SUPV3L1: variants seen among roughly 807,000 people sequenced by gnomAD.
SUPV3L1 encodes Suv3 like RNA helicase.
Under a neutral mutation model 70.0 loss-of-function variants are expected in SUPV3L1, and 35 were observed. The observed-to-expected ratio is 0.50, with a 90% CI of 0.38 to 0.66. SUPV3L1 has a LOEUF of 0.66. Ranked by LOEUF, SUPV3L1 falls within the 30% of genes least tolerant of loss-of-function variation. The pLI is 0.00. For synonymous variants in SUPV3L1, 364 were observed against 341.9 expected (o/e 1.06, Z -0.71); for missense variants, 777 against 961.5 (o/e 0.81, Z 2.54).
chr10:69,199,402 G>A (rs1272944007), intron 10 of SUPV3L1, among the ~76,000 whole-genome samples: 1 of 152,144 alleles, frequency 6.6e-6, no homozygotes, highest in Non-Finnish European at 1.5e-5. Context: ...TTTTCTTAGG[G>A]ACAGGGTCTT....
In SUPV3L1 at chr10:69,186,546, T is replaced by G. The variant is rs1313623464; in HGVS notation, c.453T>G (p.Gly151=). The G allele has an allele frequency of 2.5e-6, 4 of 1,611,378 alleles. No homozygotes were observed. The highest frequency in any genetic ancestry group is 3.4e-6 in the Non-Finnish European group (4 of 1,177,794). ...TTGTTTTGAATGATATTTGCTTCGG[T>G]GCAGGCAAGTGTTTAGAGACTTTTT... ...IHIVLNDICF[G]AAHADDLFPF... Residue 151 remains glycine, a synonymous_variant, in exon 3 of 15, where the codon GGT becomes GGG. Coordinates refer to ENST00000359655, the MANE Select transcript of SUPV3L1 (RefSeq NM_003171.5).
chr10:69,202,519 T>G lies in SUPV3L1; in HGVS notation c.1599T>G (p.Ile533Met), dbSNP rs1344090024. ...CTGATGCAACACTGTCCAATCTCATTGTAAGTGGAAACTCCCTTTCACATC... is the reference window on the plus strand; with the variant it reads ...CTGATGCAACACTGTCCAATCTCATGGTAAGTGGAAACTCCCTTTCACATC... ...HLPDATLSNLIDIFVDFSQVD... is the reference protein window; with the variant it reads ...HLPDATLSNLMDIFVDFSQVD... Residue 533 changes from isoleucine (I) to methionine (M), a missense_variant and splice_region_variant, in exon 12 of 15, where the codon ATT becomes ATG. Ile to Met is a conservative substitution (Grantham distance 10). Transcript: ENST00000359655. 6.2e-7 allele frequency: 1 copy of G among 1,610,778 alleles called. No individual in the cohort carries two copies. The highest frequency in any genetic ancestry group is 1.7e-5 in the Admixed American group (1 of 59,866).
chr10:69,198,985 A>G, intron 9 of SUPV3L1, 119 bp from the exon 10 acceptor site: 2 of 725,284 alleles, frequency 2.8e-6, no homozygotes, highest in South Asian at 1.9e-5. Flanking sequence ...AGTTTGAAAC[A>G]GTAAAGGTTT....
At chr10:69,198,986 G>T (rs1237394645) in intron 9 of SUPV3L1, 118 bp from the exon 10 acceptor site, 1 of 732,848 alleles carries the variant, frequency 1.4e-6, no homozygotes. Flanking sequence ...GTTTGAAACA[G>T]TAAAGGTTTT....
At chr10:69,201,762 C>T (rs1182496142) in intron 11 of SUPV3L1, among the ~76,000 whole-genome samples, 1 of 151,918 alleles carries the variant, frequency 6.6e-6, no homozygotes, top group Non-Finnish European at 1.5e-5. Flanking sequence ...TGATCTTGAA[C>T]TACTGTCCTC....
At position 69,208,833 on chromosome 10, in the gene SUPV3L1, C is replaced by G. The variant is rs750334867; in HGVS notation, c.2159C>G (p.Ala720Gly). 3.7e-6 allele frequency: 6 copies of G among 1,614,134 alleles called. No individual in the cohort carries two copies. The South Asian group carries it at 5.5e-5, about 15-fold the overall frequency. ...GGCACCAAAGCTCTAGGGAGTAAAG[C>G]TACTGAGCCACCCAGCCCCGATGCA... Reference protein sequence around the residue: ...TRGTKALGSKATEPPSPDAGE... With the variant: ...TRGTKALGSKGTEPPSPDAGE... Residue 720 changes from alanine (A) to glycine (G), a missense_variant, in exon 15 of 15, where the codon GCT becomes GGT. Transcript: ENST00000359655.
intron 11 of SUPV3L1, among the ~76,000 whole-genome samples, chr10:69,202,169 C>T (rs1313496366): frequency 6.6e-6 from 1 of 152,142 alleles, no homozygotes; most frequent in Non-Finnish European, 1.5e-5. Context: ...ACTGCCAGAT[C>T]ATCATAGGTT....
At chr10:69,182,972 A>G (rs1331792342) in intron 1 of SUPV3L1, among the ~76,000 whole-genome samples, 1 of 152,082 alleles carries the variant, frequency 6.6e-6, no homozygotes, top group Non-Finnish European at 1.5e-5. Context: ...TATTCCTCTC[A>G]GATCTTTGTC....
At chr10:69,196,428 T>C (rs1454151717) in intron 7 of SUPV3L1, among the ~76,000 whole-genome samples, 5 of 151,852 alleles carry the variant, frequency 3.3e-5, no homozygotes, top group Non-Finnish European at 5.9e-5. Flanking sequence ...AAAGGAGATA[T>C]TGCAGTGAAC....
chr10:69,191,630 T>A, intron 5 of SUPV3L1, 25 bp from the exon 6 acceptor site: 1 of 1,591,204 alleles, frequency 6.3e-7, no homozygotes, highest in Non-Finnish European at 8.6e-7. Flanking sequence ...TTTCAATAAT[T>A]CTAGTTTTTT....
chr10:69,199,283 G>T lies in SUPV3L1; in HGVS notation c.1298+86G>T. The T allele has an allele frequency of 3.1e-6, 3 of 956,150 alleles. No individual in the cohort carries two copies. The South Asian group carries it at 4.8e-5, about 15-fold the overall frequency. 59.2% of individuals were successfully genotyped at this position (956,150 alleles called of 1,614,324 possible). On this transcript the variant is annotated intron_variant, in intron 10 of 14. Transcript: ENST00000359655. ...TTTCAGTTTTCTAATTGGCATTAAT[G>T]ACCAAACGCTATGATTTGGGAGAAT...
intron 5 of SUPV3L1, among the ~76,000 whole-genome samples, chr10:69,190,737 CAT>C (rs1842368963): frequency 6.6e-6 from 1 of 152,226 alleles, no homozygotes; most frequent in South Asian, 2.1e-4. Context: ...CTTTGTCTTT[CAT>C]AACCTGTACA....
At chr10:69,181,499 A>G (rs1031533194) in intron 1 of SUPV3L1, among the ~76,000 whole-genome samples, 2 of 152,228 alleles carry the variant, frequency 1.3e-5, no homozygotes, top group Non-Finnish European at 2.9e-5. Context: ...TCTTTGACAT[A>G]TTCTTCCAGT....
chr10:69,203,005 A>G lies in SUPV3L1; in HGVS notation c.1738A>G (p.Asn580Asp), dbSNP rs1445731231. 1 of 1,613,814 alleles carries G rather than the reference A, an allele frequency of 6.2e-7. No homozygotes were observed. Among genetic ancestry groups the G allele is most frequent in the Admixed American group, 1.7e-5 (1 of 59,984 alleles). Residue 580 changes from asparagine (N) to aspartate (D), a missense_variant, in exon 13 of 15, where the codon AAC (asparagine) becomes GAC (aspartate). By Grantham distance (23) the Asn-to-Asp change is conservative (BLOSUM62 1). Coordinates refer to ENST00000359655, the MANE Select transcript of SUPV3L1 (RefSeq NM_003171.5). ...GTATGTTTTCTGCACAGCTCCTATCAACAAGAAGCAGCCTTTTGTGTGTTC... is the reference window on the plus strand; with the variant it reads ...GTATGTTTTCTGCACAGCTCCTATCGACAAGAAGCAGCCTTTTGTGTGTTC... ...VRYVFCTAPINKKQPFVCSSL... is the reference protein window; with the variant it reads ...VRYVFCTAPIDKKQPFVCSSL...
chr10:69,199,912 A>C (rs1172526582), intron 10 of SUPV3L1, among the ~76,000 whole-genome samples: 8 of 152,072 alleles, frequency 5.3e-5, no homozygotes, highest in Admixed American at 5.2e-4. Context: ...TGGTGTGATC[A>C]TGGCTCACCG....
At chr10:69,202,067 C>T (rs1470783316) in intron 11 of SUPV3L1, among the ~76,000 whole-genome samples, 1 of 147,426 alleles carries the variant, frequency 6.8e-6, no homozygotes, top group African/African-American at 2.5e-5. Context: ...TCTCAATCTC[C>T]TGACCTCGTG....
Position 69,180,513 on chromosome 10 carries a change from C to T in SUPV3L1, c.222C>T (p.Pro74=), listed in dbSNP as rs1403483433. 6.2e-7 allele frequency: 1 copy of T among 1,614,234 alleles called. No individual in the cohort carries two copies. Among genetic ancestry groups the T allele is most frequent in the South Asian group, 1.1e-5 (1 of 91,086 alleles). ...CCCTGACTGTGAAACCTCAGGGCCC[C>T]AGCGCCGACGGCGACGTCGGGGCCG... ...FVPLTVKPQG[P]SADGDVGAEL... is the part of the protein sequence containing the mutation. The change falls in exon 1 of 15, where the codon CCC becomes CCT. Residue 74 remains proline, a synonymous_variant. Coordinates refer to ENST00000359655, the MANE Select transcript of SUPV3L1 (RefSeq NM_003171.5).
rs751236197 is a variant in SUPV3L1 at position 69,195,264 on chromosome 10, A to G, written c.930A>G (p.Leu310=). Residue 310 remains leucine, a splice_region_variant and synonymous_variant, in exon 7 of 15, where the codon CTA becomes CTG. Transcript: ENST00000359655. ...GATGGGCCTGGACCAGAGCACTTCT[A>G]GGTTGGTGGTCGTAATGCTATAAAA... ...ARGWAWTRAL[L]GLCAEEVHLC... 1 of 1,601,772 alleles carries G rather than the reference A, an allele frequency of 6.2e-7. No individual in the cohort carries two copies. The highest frequency in any genetic ancestry group is 8.5e-7 in the Non-Finnish European group (1 of 1,174,522).
intron 6 of SUPV3L1, among the ~76,000 whole-genome samples, chr10:69,194,299 G>A (rs1377706063): frequency 1.3e-5 from 2 of 152,006 alleles, no homozygotes; most frequent in African/African-American, 4.8e-5. Flanking sequence ...TTGAGGCCAG[G>A]AGTTCGAGAC....
Sources: gnomAD v4.1 joint callset for allele counts (sites outside exome capture counted in the v4.1 genomes callset) on GRCh38, gnomAD v4.1.1 for gene constraint, MANE v1.5 for transcripts, NCBI Gene and HGNC (gene_info 2026-07-23, HGNC 2026-07-21) for gene names.